Variants in ZNF257 observed in about 807,000 individuals in gnomAD.
ZNF257 encodes zinc finger protein 257, also known as bone marrow zinc finger 4.
A neutral mutation model predicts 11.9 loss-of-function variants in ZNF257; 12 were observed. The observed-to-expected ratio is 1.01, with a 90% CI of 0.65 to 1.63. The LOEUF is 1.63. Among genes scored for constraint, ZNF257 ranks in the 40% most tolerant of loss-of-function variants. ZNF257 has a pLI of 0.00. For missense variants in ZNF257, 580 were observed against 665.5 expected, an observed-to-expected ratio of 0.87 and a Z score of 1.41; for synonymous variants, 183 against 222.7, an observed-to-expected ratio of 0.82 and a Z score of 1.59.
chr19:22,081,790 A>T (rs953517622), intron 3 of ZNF257, among the ~76,000 whole-genome samples: 1 of 152,158 alleles, frequency 6.6e-6, no homozygotes, highest in African/African-American at 2.4e-5. Flanking sequence ...TTGGCCTCCC[A>T]AAGTCCTGGG....
intron 1 of ZNF257, among the ~76,000 whole-genome samples, chr19:22,072,565 T>C (rs2022128453): frequency 6.6e-6 from 1 of 152,148 alleles, no homozygotes; most frequent in African/African-American, 2.4e-5. Context: ...TCATTTGACC[T>C]TGAGACATTA....
intron 3 of ZNF257, among the ~76,000 whole-genome samples, chr19:22,085,390 C>T (rs748598545): frequency 1.3e-5 from 2 of 152,024 alleles, no homozygotes; most frequent in Non-Finnish European, 2.9e-5. Flanking sequence ...TTTTAAAACA[C>T]TTGTTAAGAT....
chr19:22,068,678 A>G (rs1051948176), intron 1 of ZNF257, among the ~76,000 whole-genome samples: 1 of 152,116 alleles, frequency 6.6e-6, no homozygotes, highest in African/African-American at 2.4e-5. Context: ...TAGGAGTGAG[A>G]GATCAAGGCT....
chr19:22,066,433 T>G (rs1186229053), intron 1 of ZNF257: 2 of 153,298 alleles, frequency 1.3e-5, no homozygotes, highest in African/African-American at 4.8e-5. Context: ...GCAGTTTGGG[T>G]TCACATAAGA....
At chr19:22,063,498 T>G (rs554321730) in intron 1 of ZNF257, among the ~76,000 whole-genome samples, 1 of 152,370 alleles carries the variant, frequency 6.6e-6, no homozygotes. Flanking sequence ...TTTAGTGTTA[T>G]AAATTTCCTT....
intron 1 of ZNF257, among the ~76,000 whole-genome samples, chr19:22,065,243 A>C (rs2021912609): frequency 6.6e-6 from 1 of 151,908 alleles, no homozygotes; most frequent in Non-Finnish European, 1.5e-5. Context: ...CTTGTTGCCC[A>C]GGCTGGAGTG....
chr19:22,052,712 C>G, intron 1 of ZNF257, 77 bp downstream of exon 1: 2 of 1,555,734 alleles, frequency 1.3e-6, no homozygotes, highest in Non-Finnish European at 1.8e-6. Flanking sequence ...TGTGGCGGGA[C>G]TCAGGCCTCC....
chr19:22,053,858 G>A (rs1441389098), intron 1 of ZNF257, among the ~76,000 whole-genome samples: 1 of 151,932 alleles, frequency 6.6e-6, no homozygotes, highest in African/African-American at 2.4e-5. Flanking sequence ...CCAGGAGGTG[G>A]AGGTTGCAGT....
chr19:22,058,491 C>T (rs981036389), intron 1 of ZNF257, among the ~76,000 whole-genome samples: 2 of 152,126 alleles, frequency 1.3e-5, no homozygotes, highest in Non-Finnish European at 2.9e-5. Context: ...AAAGAGAATA[C>T]TGTGGTACTG....
At chr19:22,062,047 A>G (rs2021809415) in intron 1 of ZNF257, among the ~76,000 whole-genome samples, 1 of 145,940 alleles carries the variant, frequency 6.9e-6, no homozygotes, top group Non-Finnish European at 1.5e-5. Context: ...TTGATTACAC[A>G]GTATTTTGCT....
At position 22,088,338 on chromosome 19, in the gene ZNF257, TAGAG is replaced by T. The variant is rs1306491093; in HGVS notation, c.592_595del (p.Glu198IlefsTer23). 6.2e-7 allele frequency: 1 copy of T among 1,613,572 alleles called. No individual in the cohort carries two copies. Among genetic ancestry groups the T allele is most frequent in the Non-Finnish European group, 8.5e-7 (1 of 1,179,808 alleles). ...TAACTCGACATAAGAGAATTCATAT[TAGAG>T]AGAATTCCCACAAATGTGAAGAATG... On this transcript the variant is annotated frameshift_variant, in exon 4 of 4. Transcript: ENST00000594947. LOFTEE classifies it low-confidence loss of function (END_TRUNC).
intron 1 of ZNF257, among the ~76,000 whole-genome samples, chr19:22,069,355 C>G (rs533650258): frequency 3.4e-4 from 52 of 152,142 alleles, no homozygotes; most frequent in Non-Finnish European, 4.4e-4. Flanking sequence ...TGGCTTACGC[C>G]TGTAATCCCA....
rs371031449 is a variant in ZNF257, at chr19:22,088,570, C to T, written c.820C>T (p.Gln274Ter). 6 of 1,611,582 alleles carry T rather than the reference C, an allele frequency of 3.7e-6. No homozygotes were observed. The African/African-American group carries it at 5.4e-5, about 14-fold the overall frequency. Reference sequence around the variant, plus strand: ...CTTTAACCGGTCTTCACACATTACTCAACATAAGAGAATTCATAATAGAGA... The same window carrying T: ...CTTTAACCGGTCTTCACACATTACTTAACATAAGAGAATTCATAATAGAGA... ...KAFNRSSHIT[Q>*]HKRIHNREKP... The change falls in exon 4 of 4, where the codon CAA becomes TAA. Residue 274 changes from glutamine (Q) to a stop codon, truncating the protein, a stop_gained. Coordinates refer to ENST00000594947, the MANE Select transcript of ZNF257 (RefSeq NM_033468.4). LOFTEE classifies it low-confidence loss of function (END_TRUNC).
In ZNF257 at chr19:22,074,771, C is replaced by T. The variant is rs528570966; in HGVS notation, c.226+1207C>T. Among the ~76,000 whole-genome samples the T allele has an allele frequency of 4.9e-4, 75 of 151,596 alleles. No homozygotes were observed. In the South Asian group the frequency reaches 0.014, roughly 29 times the overall value. ...TTTAATTTTATATTTTGCTAATTTA[C>T]GGAGTTTATTTATTAACTTAGGTTT... On this transcript the variant is annotated intron_variant, in intron 3 of 3. Coordinates refer to ENST00000594947, the MANE Select transcript of ZNF257 (RefSeq NM_033468.4).
intron 1 of ZNF257, among the ~76,000 whole-genome samples, chr19:22,055,905 A>G (rs2021619743): frequency 6.6e-6 from 1 of 151,890 alleles, no homozygotes; most frequent in Non-Finnish European, 1.5e-5. Context: ...ATACAAAAAA[A>G]TTAGCCGGGC....
At chr19:22,061,247 A>G (rs1411151332) in intron 1 of ZNF257, among the ~76,000 whole-genome samples, 2 of 152,132 alleles carry the variant, frequency 1.3e-5, no homozygotes, top group Non-Finnish European at 2.9e-5. Flanking sequence ...GATCTTTTCT[A>G]TCCATGAGCA....
intron 1 of ZNF257, chr19:22,064,169 G>C (rs2021880545): frequency 6.6e-6 from 1 of 152,088 alleles, no homozygotes; most frequent in African/African-American, 2.4e-5. Flanking sequence ...AAGAATTCAA[G>C]AACACGTCCA....
At position 22,079,471 on chromosome 19, in the gene ZNF257, A is replaced by T. The variant is rs55777529; in HGVS notation, c.226+5907A>T. Among the ~76,000 whole-genome samples the T allele has an allele frequency of 7.2e-3, 1,103 of 152,196 alleles. 15 individuals carry two copies. The highest frequency in any genetic ancestry group is 0.025 in the African/African-American group (1,021 of 41,494). On this transcript the variant is annotated intron_variant, in intron 3 of 3. Coordinates refer to ENST00000594947, the MANE Select transcript of ZNF257 (RefSeq NM_033468.4). ...AGGTTTAATTGGCACACACTTCCAC[A>T]TGGCTGGGGAGGCTTCACAATCATG...
Position 22,090,394 on chromosome 19 carries a change from G to C in ZNF257, c.*952G>C, listed in dbSNP as rs1237719932. On this transcript the variant is annotated 3_prime_UTR_variant, in exon 4 of 4. Coordinates refer to ENST00000594947, the MANE Select transcript of ZNF257 (RefSeq NM_033468.4). ...GTTCAGCATTAGGAAATTTATGTTGGAGAAGAATTCAGCAAGTGTGATTAA... is the reference window on the plus strand; with the variant it reads ...GTTCAGCATTAGGAAATTTATGTTGCAGAAGAATTCAGCAAGTGTGATTAA... The C allele has an allele frequency of 6.6e-6, 1 of 152,074 alleles. No homozygotes were observed. The highest frequency in any genetic ancestry group is 2.4e-5 in the African/African-American group (1 of 41,404). 9.4% of individuals were successfully genotyped at this position (152,074 alleles called of 1,614,324 possible).
Sources: gnomAD v4.1 joint callset for allele counts (sites outside exome capture counted in the v4.1 genomes callset) on GRCh38, gnomAD v4.1.1 for gene constraint, MANE v1.5 for transcripts, NCBI Gene and HGNC (gene_info 2026-07-23, HGNC 2026-07-21) for gene names.